CSGALNACT1: variants seen among roughly 807,000 people sequenced by gnomAD.
CSGALNACT1 encodes chondroitin sulfate N-acetylgalactosaminyltransferase 1.
CSGALNACT1 carries 52 observed loss-of-function variants against 51.0 expected under a neutral mutation model. The observed-to-expected ratio is 1.02, with a 90% CI of 0.82 to 1.29. CSGALNACT1 has a LOEUF of 1.29. Ranked by LOEUF, CSGALNACT1 falls within the 50% of genes most tolerant of loss-of-function variation. The probability of loss-of-function intolerance (pLI) is 0.00; values close to 1 mark genes in which losing one functional copy is unlikely to be tolerated. For synonymous variants in CSGALNACT1, 341 were observed against 254.4 expected, an observed-to-expected ratio of 1.34 and a Z score of -3.24; for missense variants, 935 against 679.2, an observed-to-expected ratio of 1.38 and a Z score of -4.19.
intron 3 of CSGALNACT1, among the ~76,000 whole-genome samples, chr8:19,514,508 T>C (rs1179178621): frequency 1.4e-5 from 2 of 139,362 alleles, no homozygotes; most frequent in Non-Finnish European, 3.1e-5. Flanking sequence ...TATATATATA[T>C]ATACATGTAT....
At chr8:19,684,103 T>C (rs541059627), upstream of CSGALNACT1, among the ~76,000 whole-genome samples, 11 of 152,136 alleles carry the variant, frequency 7.2e-5, no homozygotes, top group East Asian at 3.9e-4. Context: ...GAGGCGGAGA[T>C]TGCAGGGAGC....
At chr8:19,638,234 G>T (rs974315808) in intron 1 of CSGALNACT1, among the ~76,000 whole-genome samples, 1 of 149,082 alleles carries the variant, frequency 6.7e-6, no homozygotes, top group Admixed American at 6.7e-5. Flanking sequence ...TCAAATGTCC[G>T]CTCCTGAGAG....
intron 3 of CSGALNACT1, among the ~76,000 whole-genome samples, chr8:19,581,071 G>C (rs2045460030): frequency 6.6e-6 from 1 of 152,172 alleles, no homozygotes; most frequent in Admixed American, 6.5e-5. Context: ...TAATGAGAAA[G>C]AAGCAACGGC....
intron 3 of CSGALNACT1, among the ~76,000 whole-genome samples, chr8:19,564,415 T>TA (rs1491446592): frequency 6.8e-6 from 1 of 146,622 alleles, no homozygotes; most frequent in Non-Finnish European, 1.5e-5. Context: ...TTTTTTTTTT[T>TA]AAAGTTCCTG....
intron 1 of CSGALNACT1, among the ~76,000 whole-genome samples, chr8:19,677,153 G>C (rs746343124): frequency 5.3e-5 from 8 of 151,910 alleles, no homozygotes; most frequent in Non-Finnish European, 1.0e-4. Context: ...CTGTCACCCA[G>C]GATGGAATAC....
chr8:19,639,969 C>T (rs1229688727), intron 1 of CSGALNACT1, among the ~76,000 whole-genome samples: 1 of 151,774 alleles, frequency 6.6e-6, no homozygotes, highest in Non-Finnish European at 1.5e-5. Context: ...GCAGCCCAGA[C>T]CTCCCTGGGC....
chr8:19,689,136 G>T (rs2061145612), intron 1 of CSGALNACT1, among the ~76,000 whole-genome samples: 1 of 152,064 alleles, frequency 6.6e-6, no homozygotes, highest in African/African-American at 2.4e-5. Flanking sequence ...CTGCAATCTG[G>T]GCCAAGGAGT....
chr8:19,504,048 G>A lies in CSGALNACT1; in HGVS notation c.634+1153C>T, dbSNP rs1053310280. Among the ~76,000 whole-genome samples the A allele has an allele frequency of 2.6e-5, 4 of 152,286 alleles. No individual in the cohort carries two copies. In the East Asian group the frequency reaches 7.7e-4, roughly 29 times the overall value. ...TAACCAAAGCAGTGAGTGGTGTTAG[G>A]TGGACACAGCTATATTTCTGGGCAA... On this transcript the variant is annotated intron_variant, in intron 4 of 9. Coordinates refer to ENST00000454498, the Ensembl canonical transcript of CSGALNACT1.
At chr8:19,573,790 T>C (rs1186335350) in intron 3 of CSGALNACT1, among the ~76,000 whole-genome samples, 3 of 152,152 alleles carry the variant, frequency 2.0e-5, no homozygotes, top group African/African-American at 7.2e-5. Context: ...GAAGGGGATG[T>C]ATAAGGCTTC....
At chr8:19,572,052 A>C (rs372505392) in intron 3 of CSGALNACT1, among the ~76,000 whole-genome samples, 2 of 152,194 alleles carry the variant, frequency 1.3e-5, no homozygotes, top group African/African-American at 4.8e-5. Context: ...AACATCAGCC[A>C]CCTTCAAGTG....
chr8:19,743,633 A>G (rs567953826), intron 1 of CSGALNACT1, among the ~76,000 whole-genome samples: 49 of 152,184 alleles, frequency 3.2e-4, no homozygotes, highest in African/African-American at 9.9e-4. Context: ...ATCTAAAAAT[A>G]CTCTTTTCAT....
intron 6 of CSGALNACT1, among the ~76,000 whole-genome samples, chr8:19,435,230 C>T (rs1312427550): frequency 6.6e-6 from 1 of 152,192 alleles, no homozygotes; most frequent in Non-Finnish European, 1.5e-5. Flanking sequence ...CGCGGTTGCT[C>T]ACGCCTGTAA....
chr8:19,576,546 C>T (rs1400187604), intron 3 of CSGALNACT1, among the ~76,000 whole-genome samples: 1 of 151,966 alleles, frequency 6.6e-6, no homozygotes, highest in African/African-American at 2.4e-5. Context: ...TTGCTGTCAC[C>T]TTCTCGGTGG....
intron 6 of CSGALNACT1, among the ~76,000 whole-genome samples, chr8:19,427,643 C>A (rs746441559): frequency 6.6e-6 from 1 of 152,096 alleles, no homozygotes; most frequent in South Asian, 2.1e-4. Context: ...AAAAAATTAG[C>A]CAGGCATGGT....
At position 19,442,135 on chromosome 8, in the gene CSGALNACT1, T is replaced by C. The variant is rs577235383; in HGVS notation, c.852-2204A>G. Among the ~76,000 whole-genome samples the C allele has an allele frequency of 1.8e-3, 277 of 152,298 alleles. 1 individual carries two copies. Among genetic ancestry groups the C allele is most frequent in the Non-Finnish European group, 3.0e-3 (204 of 68,034 alleles). ...CACTGTTGGTGGGAATGTAAACTAGTTCAACCATTGTGGAAGTCAGTGTGG... is the reference window on the plus strand; with the variant it reads ...CACTGTTGGTGGGAATGTAAACTAGCTCAACCATTGTGGAAGTCAGTGTGG... On this transcript the variant is annotated intron_variant, in intron 5 of 9. Transcript: ENST00000454498.
intron 1 of CSGALNACT1, among the ~76,000 whole-genome samples, chr8:19,618,422 C>G (rs1286519999): frequency 6.6e-6 from 1 of 151,770 alleles, no homozygotes; most frequent in African/African-American, 2.4e-5. Context: ...GGGTGAATCA[C>G]TTGAGGTCAG....
chr8:19,474,136 G>A (rs1262007245), intron 4 of CSGALNACT1, among the ~76,000 whole-genome samples: 1 of 152,062 alleles, frequency 6.6e-6, no homozygotes, highest in African/African-American at 2.4e-5. Flanking sequence ...TGAGAGATAA[G>A]CTACGACCAA....
chr8:19,728,023 C>T (rs1282361720), intron 1 of CSGALNACT1, among the ~76,000 whole-genome samples: 1 of 152,188 alleles, frequency 6.6e-6, no homozygotes, highest in Non-Finnish European at 1.5e-5. Context: ...ACGCGCGATG[C>T]TCTGAGAGGC....
chr8:19,555,543 C>T (rs1278253868), intron 3 of CSGALNACT1, among the ~76,000 whole-genome samples: 5 of 151,994 alleles, frequency 3.3e-5, no homozygotes, highest in African/African-American at 1.2e-4. Flanking sequence ...AGCATAATTC[C>T]GATATATTTA....
Sources: gnomAD v4.1 joint callset for allele counts (sites outside exome capture counted in the v4.1 genomes callset) on GRCh38, gnomAD v4.1.1 for gene constraint, MANE v1.5 for transcripts, NCBI Gene and HGNC (gene_info 2026-07-23, HGNC 2026-07-21) for gene names.